Variants in PRR5 observed in about 807,000 individuals in gnomAD.
PRR5 encodes the protein proline rich 5.
A neutral mutation model predicts 30.6 loss-of-function variants in PRR5; 25 were observed. The ratio of observed to expected loss-of-function variants is 0.82; its 90% CI spans 0.60 to 1.14. PRR5 has a LOEUF of 1.14. Among genes scored for constraint, PRR5 ranks in the 50% most tolerant of loss-of-function variants. PRR5 has a pLI of 0.00. For missense variants in PRR5, 600 were observed against 547.1 expected, an observed-to-expected ratio of 1.10 and a Z score of -0.96; for synonymous variants, 286 against 247.1, an observed-to-expected ratio of 1.16 and a Z score of -1.48.
intron 1 of PRR5, among the ~76,000 whole-genome samples, chr22:44,670,588 C>T (rs2146919084): frequency 6.6e-6 from 1 of 152,358 alleles, no homozygotes; most frequent in Admixed American, 6.5e-5. Context: ...AGGGCTGGCA[C>T]TTCTGTGTCT....
upstream of PRR5, among the ~76,000 whole-genome samples, chr22:44,700,747 G>T (rs1172337683): frequency 6.6e-6 from 1 of 152,208 alleles, no homozygotes; most frequent in East Asian, 1.9e-4. Context: ...GAGCAAGTTT[G>T]TCTGTTTATG....
At chr22:44,717,808 C>T (rs1929315849) in intron 2 of PRR5, among the ~76,000 whole-genome samples, 1 of 151,902 alleles carries the variant, frequency 6.6e-6, no homozygotes, top group African/African-American at 2.4e-5. Context: ...CCTCCACCTC[C>T]CAGGTTCAAG....
intron 1 of PRR5, among the ~76,000 whole-genome samples, chr22:44,710,548 G>A (rs1013282234): frequency 3.3e-5 from 5 of 152,188 alleles, no homozygotes; most frequent in Admixed American, 1.3e-4. Flanking sequence ...CTGGGGTTTC[G>A]TTTCTGTTTT....
chr22:44,693,365 G>A (rs1444995027), intron 1 of PRR5, among the ~76,000 whole-genome samples: 1 of 152,010 alleles, frequency 6.6e-6, no homozygotes, highest in East Asian at 1.9e-4. Context: ...GGGAGGCTGT[G>A]GGAGGATCGC....
chr22:44,682,082 G>C (rs1444523423), intron 1 of PRR5, among the ~76,000 whole-genome samples: 2 of 152,214 alleles, frequency 1.3e-5, no homozygotes, highest in Non-Finnish European at 2.9e-5. Context: ...AGTTACAAGG[G>C]GCGTGGCCAG....
At chr22:44,672,888 C>T (rs1411748483), upstream of PRR5, among the ~76,000 whole-genome samples, 2 of 152,206 alleles carry the variant, frequency 1.3e-5, no homozygotes, top group African/African-American at 2.4e-5. Context: ...CAAGGGGGCA[C>T]GGCTGGGACT....
chr22:44,729,201 C>G (rs117068101), intron 4 of PRR5: 1 of 745,818 alleles, frequency 1.3e-6, no homozygotes. Flanking sequence ...CGGCCGTCCC[C>G]GCGCCAGACA....
chr22:44,698,023 C>T (rs929168644), upstream of PRR5, among the ~76,000 whole-genome samples: 6 of 152,192 alleles, frequency 3.9e-5, no homozygotes, highest in African/African-American at 7.2e-5. Context: ...CTCAGAGTCC[C>T]GGGTTCATGA....
At chr22:44,680,363 C>A (rs912747350) in intron 1 of PRR5, among the ~76,000 whole-genome samples, 1 of 152,168 alleles carries the variant, frequency 6.6e-6, no homozygotes, top group African/African-American at 2.4e-5. Flanking sequence ...TGTCCCTCCC[C>A]CACCCTAAAG....
At position 44,731,718 on chromosome 22, in the gene PRR5, C is replaced by T. The variant is rs760467607; in HGVS notation, c.323-12C>T. 1 of 1,613,576 alleles carries T rather than the reference C, an allele frequency of 6.2e-7. No homozygotes were observed. Among genetic ancestry groups the T allele is most frequent in the East Asian group, 2.2e-5 (1 of 44,878 alleles). On this transcript the variant is annotated splice_polypyrimidine_tract_variant and intron_variant, in intron 4 of 7. Transcript: ENST00000336985. Reference sequence around the variant, plus strand: ...CAGTCAGGCCCAGTGGTGATGGCCCCCATGCCCACAGGACAGAAGCTGCTG... The same window carrying T: ...CAGTCAGGCCCAGTGGTGATGGCCCTCATGCCCACAGGACAGAAGCTGCTG...
At chr22:44,673,605 G>GAA (rs1434775562), upstream of PRR5, among the ~76,000 whole-genome samples, 1 of 152,192 alleles carries the variant, frequency 6.6e-6, no homozygotes, top group African/African-American at 2.4e-5. Flanking sequence ...GCCACTTCTT[G>GAA]GTGGATAGAC....
Position 44,737,435 on chromosome 22 carries a change from C to T in PRR5, c.*188C>T. ...TACCATCAGCCTTCCTTGCTCGGCC[C>T]AGGTCTGTTTCAGGCATCTGAGTCG... On this transcript the variant is annotated 3_prime_UTR_variant, in exon 8 of 8. Coordinates refer to ENST00000336985, the MANE Select transcript of PRR5 (RefSeq NM_181333.4). The T allele has an allele frequency of 7.9e-7, 1 of 1,267,534 alleles. No individual in the cohort carries two copies. The highest frequency in any genetic ancestry group is 1.0e-6 in the Non-Finnish European group (1 of 955,332). The allele number at this position is 1,267,534 out of a possible 1,614,324, so 78.5% of individuals were successfully genotyped here. A position where few individuals can be genotyped will look rare whatever the true frequency, so the allele number is the denominator to read the frequency against.
chr22:44,731,882 A>T, intron 5 of PRR5, 61 bp downstream of exon 5: 3 of 1,535,866 alleles, frequency 2.0e-6, no homozygotes, highest in Non-Finnish European at 2.7e-6. Context: ...CCCTGGCCTC[A>T]CTCTACAGAG....
chr22:44,705,342 TTGAGACGGAG>T (rs1927018177), intron 1 of PRR5, among the ~76,000 whole-genome samples: 1 of 152,200 alleles, frequency 6.6e-6, no homozygotes, highest in Non-Finnish European at 1.5e-5. Context: ...TTTTCCTTTC[TTGAGACGGAG>T]TTTCACTCTT....
At chr22:44,684,110 G>A (rs1263179495) in intron 1 of PRR5, among the ~76,000 whole-genome samples, 1 of 152,198 alleles carries the variant, frequency 6.6e-6, no homozygotes, top group African/African-American at 2.4e-5. Context: ...GGCTGAGGAG[G>A]GGCCTGGGGC....
chr22:44,714,971 G>T (rs1077164), intron 2 of PRR5, among the ~76,000 whole-genome samples: 1 of 152,196 alleles, frequency 6.6e-6, no homozygotes. Context: ...TTGGACAGCC[G>T]CTGGAGATGA....
intron 1 of PRR5, among the ~76,000 whole-genome samples, chr22:44,680,968 G>A (rs1278347197): frequency 6.6e-6 from 1 of 152,232 alleles, no homozygotes; most frequent in Non-Finnish European, 1.5e-5. Context: ...CATCCATCAT[G>A]CAGCTCTCAC....
At chr22:44,669,634 G>A (rs1923309172) in intron 1 of PRR5, among the ~76,000 whole-genome samples, 1 of 152,222 alleles carries the variant, frequency 6.6e-6, no homozygotes, top group African/African-American at 2.4e-5. Context: ...TTCCACCAGA[G>A]CCAAGGTAGA....
chr22:44,710,138 G>A (rs1457712179), intron 1 of PRR5, among the ~76,000 whole-genome samples: 9 of 152,112 alleles, frequency 5.9e-5, no homozygotes, highest in South Asian at 2.1e-4. Flanking sequence ...CCTCCCCCAT[G>A]GCCTGTTCTG....
Sources: allele counts gnomAD v4.1 joint callset (sites outside exome capture counted in the v4.1 genomes callset), GRCh38; gene constraint gnomAD v4.1.1; transcripts MANE v1.5; gene names NCBI Gene and HGNC (gene_info 2026-07-23, HGNC 2026-07-21).